The following RBFOX1 variants were observed in gnomAD, a reference collection of about 807,000 sequenced individuals.
RBFOX1 encodes the protein RNA binding protein fox-1 homolog 1.
Under a neutral mutation model 57.7 loss-of-function variants are expected in RBFOX1, and 8 were observed. The ratio of observed to expected loss-of-function variants is 0.14; its 90% CI spans 0.08 to 0.25. The LOEUF (loss-of-function observed/expected upper bound fraction) is 0.25, where lower values mean the gene tolerates loss of function less well. RBFOX1 is among the 10% of genes least tolerant of loss of function. The pLI, the probability that RBFOX1 is intolerant of heterozygous loss-of-function variation, is 1.00. For missense variants in RBFOX1, 611 were observed against 548.5 expected (o/e 1.11, Z -1.14); for synonymous variants, 326 against 222.4 (o/e 1.47, Z -4.15).
chr16:6,672,093 A>G (rs967405136), intron 3 of RBFOX1, among the ~76,000 whole-genome samples: 3 of 152,340 alleles, frequency 2.0e-5, no homozygotes, highest in African/African-American at 7.2e-5. Flanking sequence ...GGTTTCAAAG[A>G]CCGTAGGTCC....
chr16:6,075,393 A>T (rs1236702513), intron 1 of RBFOX1, among the ~76,000 whole-genome samples: 1 of 152,214 alleles, frequency 6.6e-6, no homozygotes, highest in Admixed American at 6.5e-5. Context: ...GCTGTGATAA[A>T]CACTACAGAA....
At chr16:7,331,529 C>T (rs2096695359) in intron 4 of RBFOX1, among the ~76,000 whole-genome samples, 1 of 152,136 alleles carries the variant, frequency 6.6e-6, no homozygotes, top group Admixed American at 6.6e-5. Flanking sequence ...CAGGTCAAAG[C>T]CTTCAATCTG....
intron 1 of RBFOX1, among the ~76,000 whole-genome samples, chr16:6,295,634 T>C (rs2152731214): frequency 6.6e-6 from 1 of 152,348 alleles, no homozygotes; most frequent in East Asian, 1.9e-4. Flanking sequence ...TCTGTGTTTA[T>C]GAGCGGTCTC....
At chr16:5,616,564 C>G (rs1192718236) in intron 3 of RBFOX1, among the ~76,000 whole-genome samples, 1 of 150,828 alleles carries the variant, frequency 6.6e-6, no homozygotes, top group Non-Finnish European at 1.5e-5. Flanking sequence ...CCTCCTCCTC[C>G]TCTTCCCTCT....
At chr16:5,350,694 C>T (rs755783665) in intron 1 of RBFOX1, among the ~76,000 whole-genome samples, 4 of 152,058 alleles carry the variant, frequency 2.6e-5, no homozygotes, top group Non-Finnish European at 4.4e-5. Flanking sequence ...GGTGAAACCC[C>T]GTCTCTAGTG....
chr16:6,208,719 T>TA lies in RBFOX1; in HGVS notation c.-126-108267dup, dbSNP rs202061488. Among the ~76,000 whole-genome samples the TA allele has an allele frequency of 6.5e-3, 980 of 151,654 alleles. 9 individuals are homozygous for TA. The highest frequency in any genetic ancestry group is 0.021 in the African/African-American group (874 of 41,360). ...TTAAAGAGTCAGAACCTTCCATATT[T>TA]AAAAAAAAATATGCATTTCTGGTTC... On this transcript the variant is annotated intron_variant, in intron 1 of 15. Coordinates refer to ENST00000550418, the MANE Select transcript of RBFOX1 (RefSeq NM_018723.4).
At chr16:5,935,617 C>A (rs1191215537) in intron 4 of RBFOX1, among the ~76,000 whole-genome samples, 3 of 152,158 alleles carry the variant, frequency 2.0e-5, no homozygotes, top group South Asian at 2.1e-4. Context: ...TGCATACTTA[C>A]ACAGGACTTG....
intron 2 of RBFOX1, among the ~76,000 whole-genome samples, chr16:6,489,599 C>G (rs1057273098): frequency 1.3e-5 from 2 of 152,082 alleles, no homozygotes; most frequent in East Asian, 1.9e-4. Context: ...GTACAGAAGC[C>G]TAAGCGTTGA....
chr16:5,866,480 G>T (rs996600278), intron 3 of RBFOX1, among the ~76,000 whole-genome samples: 1 of 152,184 alleles, frequency 6.6e-6, no homozygotes, highest in Non-Finnish European at 1.5e-5. Flanking sequence ...AGGTATAAGA[G>T]AAGTTGTAAG....
intron 3 of RBFOX1, among the ~76,000 whole-genome samples, chr16:6,956,239 C>G (rs925199319): frequency 6.6e-6 from 1 of 152,066 alleles, no homozygotes; most frequent in African/African-American, 2.4e-5. Flanking sequence ...AGGAGAAGGA[C>G]TTTGCTTTGA....
chr16:6,676,435 G>A lies in RBFOX1; in HGVS notation c.-16+21785G>A, dbSNP rs116348325. Among the ~76,000 whole-genome samples, 946 of 152,204 alleles carry A rather than the reference G, an allele frequency of 6.2e-3. 7 individuals carry two copies. Among genetic ancestry groups the A allele is most frequent in the African/African-American group, 0.022 (905 of 41,536 alleles). On this transcript the variant is annotated intron_variant, in intron 3 of 15. Transcript: ENST00000550418. Reference sequence around the variant, plus strand: ...TCTCAATAGTAAATAAAGGTGCCAGGAAGGCAGTATAGCAACCAAGAGAGG... The same window carrying A: ...TCTCAATAGTAAATAAAGGTGCCAGAAAGGCAGTATAGCAACCAAGAGAGG...
At chr16:6,954,421 C>T (rs1197563516) in intron 3 of RBFOX1, among the ~76,000 whole-genome samples, 1 of 152,048 alleles carries the variant, frequency 6.6e-6, no homozygotes, top group East Asian at 1.9e-4. Context: ...TAATGATTGG[C>T]ATTTTTAAAA....
chr16:5,713,126 C>T (rs1303251830), intron 3 of RBFOX1, among the ~76,000 whole-genome samples: 2 of 152,170 alleles, frequency 1.3e-5, no homozygotes, highest in African/African-American at 2.4e-5. Flanking sequence ...GTTGAATGAA[C>T]CGACACTGAA....
At chr16:6,787,167 G>C (rs913788762) in intron 3 of RBFOX1, among the ~76,000 whole-genome samples, 19 of 152,182 alleles carry the variant, frequency 1.2e-4, no homozygotes, top group African/African-American at 4.1e-4. Flanking sequence ...ACATTTATCA[G>C]ATGTGTGGAG....
intron 1 of RBFOX1, among the ~76,000 whole-genome samples, chr16:5,364,926 T>C (rs567221065): frequency 2.6e-5 from 4 of 152,026 alleles, no homozygotes; most frequent in Non-Finnish European, 5.9e-5. Flanking sequence ...GACAGTAGGG[T>C]CGCCTAAGAA....
intron 4 of RBFOX1, among the ~76,000 whole-genome samples, chr16:7,243,879 A>G (rs961214656): frequency 1.3e-5 from 2 of 152,110 alleles, no homozygotes; most frequent in African/African-American, 2.4e-5. Flanking sequence ...TGATTATGTT[A>G]TAATCTGGGA....
intron 2 of RBFOX1, among the ~76,000 whole-genome samples, chr16:6,326,433 T>A (rs1480797324): frequency 1.3e-5 from 2 of 152,196 alleles, no homozygotes; most frequent in African/African-American, 2.4e-5. Flanking sequence ...TGTGATTAGT[T>A]TGACCAGATG....
chr16:5,878,743 A>G (rs1442753763), intron 4 of RBFOX1, among the ~76,000 whole-genome samples: 1 of 152,206 alleles, frequency 6.6e-6, no homozygotes, highest in African/African-American at 2.4e-5. Flanking sequence ...TGAGCTATGA[A>G]TAAATGATGA....
intron 1 of RBFOX1, among the ~76,000 whole-genome samples, chr16:5,368,980 T>C (rs942084422): frequency 1.6e-4 from 24 of 152,198 alleles, no homozygotes; most frequent in African/African-American, 5.3e-4. Flanking sequence ...TCAAAAGCAT[T>C]GAAGAAATGA....
Sources: allele counts gnomAD v4.1 joint callset (sites outside exome capture counted in the v4.1 genomes callset), GRCh38; gene constraint gnomAD v4.1.1; transcripts MANE v1.5; gene names NCBI Gene and HGNC (gene_info 2026-07-23, HGNC 2026-07-21).